SDK1: variants seen among roughly 807,000 people sequenced by gnomAD.
SDK1 encodes sidekick cell adhesion molecule 1, also known as protein sidekick-1.
SDK1 carries 157 observed loss-of-function variants against 245.5 expected under a neutral mutation model. That is an observed-to-expected ratio of 0.64 (90% CI 0.56 to 0.73). The LOEUF (loss-of-function observed/expected upper bound fraction) is 0.73, where lower values mean the gene tolerates loss of function less well. Among genes scored for constraint, SDK1 ranks in the 30% least tolerant of loss-of-function variants. The probability of loss-of-function intolerance (pLI) is 0.00; values close to 1 mark genes in which losing one functional copy is unlikely to be tolerated. For synonymous variants in SDK1, 1,647 were observed against 1,278.5 expected (o/e 1.29, Z -6.15); for missense variants, 3,583 against 3,002.3 (o/e 1.19, Z -4.52).
chr7:3,417,518 G>A (rs1478614357), intron 1 of SDK1, among the ~76,000 whole-genome samples: 1 of 152,036 alleles, frequency 6.6e-6, no homozygotes, highest in East Asian at 1.9e-4. Context: ...CACTTAAATA[G>A]TACCTTCTCT....
At chr7:3,422,391 G>C (rs1779557583) in intron 1 of SDK1, among the ~76,000 whole-genome samples, 2 of 152,220 alleles carry the variant, frequency 1.3e-5, no homozygotes, top group South Asian at 4.1e-4. Context: ...ATTAACTTGA[G>C]TCAAATCTAA....
intron 5 of SDK1, among the ~76,000 whole-genome samples, chr7:3,938,284 A>C (rs1436624954): frequency 6.6e-6 from 1 of 152,280 alleles, no homozygotes; most frequent in East Asian, 1.9e-4. Context: ...TTATGATCCC[A>C]GTCTTTCTAT....
chr7:3,656,909 G>A (rs1049984150), intron 4 of SDK1, among the ~76,000 whole-genome samples: 6 of 151,958 alleles, frequency 3.9e-5, no homozygotes, highest in Non-Finnish European at 7.4e-5. Context: ...CACCGCGCCC[G>A]GCTAATTTTT....
At chr7:3,637,836 G>A (rs910923937) in intron 2 of SDK1, among the ~76,000 whole-genome samples, 6 of 152,234 alleles carry the variant, frequency 3.9e-5, no homozygotes, top group Non-Finnish European at 8.8e-5. Flanking sequence ...AATACATTGT[G>A]CTGAGAGATG....
At chr7:4,216,244 A>T (rs1478417708) in intron 38 of SDK1, among the ~76,000 whole-genome samples, 4 of 152,212 alleles carry the variant, frequency 2.6e-5, no homozygotes, top group Non-Finnish European at 4.4e-5. Context: ...GGTGGTTGAC[A>T]GAAGGCAACG....
intron 40 of SDK1, among the ~76,000 whole-genome samples, chr7:4,223,295 T>G (rs1295412081): frequency 6.6e-6 from 1 of 152,230 alleles, no homozygotes; most frequent in Non-Finnish European, 1.5e-5. Context: ...ATTTGGCATT[T>G]CCTGTAATTA....
chr7:3,817,125 A>G (rs1010633542), intron 4 of SDK1, among the ~76,000 whole-genome samples: 2 of 152,214 alleles, frequency 1.3e-5, no homozygotes, highest in African/African-American at 4.8e-5. Context: ...CAAAATACTT[A>G]TTGATAACCA....
intron 4 of SDK1, among the ~76,000 whole-genome samples, chr7:3,658,819 T>C (rs554431767): frequency 6.6e-6 from 1 of 152,258 alleles, no homozygotes; most frequent in South Asian, 2.1e-4. Flanking sequence ...GGTTTCGCCA[T>C]GTTGGCCAGG....
chr7:3,721,009 C>T (rs1293050406), intron 4 of SDK1, among the ~76,000 whole-genome samples: 2 of 152,210 alleles, frequency 1.3e-5, no homozygotes, highest in Non-Finnish European at 2.9e-5. Flanking sequence ...TCACAGACCG[C>T]ATGAGTCCAT....
rs957817363 is a variant in SDK1 at position 3,569,254 on chromosome 7, G to A, written c.299-49826G>A. ...GAAAAACAGAAGTCGGAATTCAAAC[G>A]AGAACCAGAAGTAAGGCAGATAGAC... is the stretch of plus-strand genomic sequence containing the variant. On this transcript the variant is annotated intron_variant, in intron 1 of 44. Transcript: ENST00000404826. Among the ~76,000 whole-genome samples the A allele has an allele frequency of 3.3e-5, 5 of 152,272 alleles. No individual in the cohort carries two copies. The East Asian group carries it at 5.8e-4, about 18-fold the overall frequency.
chr7:3,664,113 C>T (rs998543614), intron 4 of SDK1, among the ~76,000 whole-genome samples: 2 of 152,034 alleles, frequency 1.3e-5, no homozygotes, highest in Non-Finnish European at 2.9e-5. Context: ...GGAATTAGCC[C>T]AGTGAGCATT....
intron 17 of SDK1, among the ~76,000 whole-genome samples, chr7:4,048,725 A>G (rs114639296): frequency 6.6e-6 from 1 of 152,226 alleles, no homozygotes; most frequent in African/African-American, 2.4e-5. Flanking sequence ...CAGTTACACG[A>G]GCATGTCCCC....
chr7:3,420,801 G>A lies in SDK1; in HGVS notation c.298+118917G>A, dbSNP rs141722599. Among the ~76,000 whole-genome samples, 652 of 152,172 alleles carry A rather than the reference G, an allele frequency of 4.3e-3. 8 individuals are homozygous for A. The highest frequency in any genetic ancestry group is 0.018 in the South Asian group (89 of 4,812). On this transcript the variant is annotated intron_variant, in intron 1 of 44. Transcript: ENST00000404826. Reference sequence around the variant, plus strand: ...ATACATGGGCAGGGTGTGCAGAGTCGTTACATAGATAAACATGTACCATGG... The same window carrying A: ...ATACATGGGCAGGGTGTGCAGAGTCATTACATAGATAAACATGTACCATGG...
chr7:3,833,128 C>G (rs1012510365), intron 5 of SDK1, among the ~76,000 whole-genome samples: 2 of 151,986 alleles, frequency 1.3e-5, no homozygotes, highest in Admixed American at 6.6e-5. Context: ...GAGGAAGATA[C>G]AAATGTCAAA....
intron 1 of SDK1, among the ~76,000 whole-genome samples, chr7:3,345,415 G>A (rs73048631): frequency 0.15 from 22,352 of 152,006 alleles, 2,569 homozygotes; most frequent in African/African-American, 0.32. Context: ...TAAGAGATGA[G>A]AATTTCCTGA....
chr7:3,486,936 G>A (rs576887351), intron 1 of SDK1, among the ~76,000 whole-genome samples: 180 of 152,184 alleles, frequency 1.2e-3, no homozygotes, highest in African/African-American at 4.1e-3. Flanking sequence ...TATTACATGT[G>A]TAAAGGTTAT....
At position 4,265,341 on chromosome 7, in the gene SDK1, C is replaced by CCGGCG; in HGVS notation, c.6602_6606dup (p.Arg2203AlafsTer42). 2 of 1,468,788 alleles carry CCGGCG rather than the reference C, an allele frequency of 1.4e-6. No homozygotes were observed. Among genetic ancestry groups the CCGGCG allele is most frequent in the Non-Finnish European group, 1.8e-6 (2 of 1,123,440 alleles). 91.0% of individuals were successfully genotyped at this position (1,468,788 alleles called of 1,614,324 possible). On this transcript the variant is annotated frameshift_variant, in exon 45 of 45. Coordinates refer to ENST00000404826, the MANE Select transcript of SDK1 (RefSeq NM_152744.4). LOFTEE classifies it high-confidence loss of function. ...GGCGGCGTCTACACCCCCGCTGGCCCCGGCGCGCGAACTCCGCTCACCGGC... is the reference window on the plus strand; with the variant it reads ...GGCGGCGTCTACACCCCCGCTGGCCCCGGCGCGGCGCGCGAACTCCGCTCACCGGC...
At chr7:3,757,357 C>T (rs1187543574) in intron 4 of SDK1, among the ~76,000 whole-genome samples, 1 of 152,118 alleles carries the variant, frequency 6.6e-6, no homozygotes, top group Non-Finnish European at 1.5e-5. Context: ...TGTCAGCCTC[C>T]TGAGTAGCTG....
At chr7:3,361,601 T>C (rs1780955777) in intron 1 of SDK1, among the ~76,000 whole-genome samples, 2 of 152,182 alleles carry the variant, frequency 1.3e-5, no homozygotes, top group Admixed American at 1.3e-4. Flanking sequence ...TTTTAATTGT[T>C]TCTAAATCTC....
Sources: allele counts gnomAD v4.1 joint callset (sites outside exome capture counted in the v4.1 genomes callset), GRCh38; gene constraint gnomAD v4.1.1; transcripts MANE v1.5; gene names NCBI Gene and HGNC (gene_info 2026-07-23, HGNC 2026-07-21).